The following GRB2 variants were observed in gnomAD, a reference collection of about 807,000 sequenced individuals.
GRB2 encodes the protein growth factor receptor bound protein 2.
Under a neutral mutation model 27.4 loss-of-function variants are expected in GRB2, and 2 were observed. The observed-to-expected ratio is 0.07, with a 90% CI of 0.03 to 0.23. The LOEUF (loss-of-function observed/expected upper bound fraction) is 0.23. GRB2 is among the 10% of genes least tolerant of loss of function. The pLI is 1.00. For synonymous variants in GRB2, 94 were observed against 99.6 expected, an observed-to-expected ratio of 0.94 and a Z score of 0.33; for missense variants, 102 against 282.4, an observed-to-expected ratio of 0.36 and a Z score of 4.58.
Position 75,337,895 on chromosome 17 carries a change from CTACTACTATTATTAT to C in GRB2, c.79-5113_79-5099del, listed in dbSNP as rs1418956786. 5.9e-4 allele frequency among the ~76,000 whole-genome samples: 74 copies of C among 124,458 alleles called. 1 individual carries two copies. Among genetic ancestry groups the C allele is most frequent in the African/African-American group, 2.4e-3 (72 of 30,570 alleles). 81.6% of individuals were successfully genotyped at this position (124,458 alleles called of 152,430 possible). On this transcript the variant is annotated intron_variant, in intron 2 of 5. Transcript: ENST00000316804. ...ATTACTACTACTACTACTACTACTA[CTACTACTATTATTAT>C]TATTATTATTATTATTATTATTATT...
At chr17:75,369,072 C>A (rs940790689) in intron 2 of GRB2, among the ~76,000 whole-genome samples, 2 of 152,162 alleles carry the variant, frequency 1.3e-5, no homozygotes, top group African/African-American at 4.8e-5. Context: ...ATGATCATGG[C>A]AAATGGCACA....
intron 1 of GRB2, chr17:75,394,141 C>T (rs909706302): frequency 6.4e-6 from 1 of 156,000 alleles, no homozygotes; most frequent in African/African-American, 2.4e-5. Context: ...AAGGCCTCAC[C>T]CTGGGGATGG....
At chr17:75,344,065 T>G (rs1305047746) in intron 2 of GRB2, among the ~76,000 whole-genome samples, 2 of 152,170 alleles carry the variant, frequency 1.3e-5, no homozygotes, top group Non-Finnish European at 2.9e-5. Flanking sequence ...TGGGGAGTTA[T>G]GGGTACTATG....
chr17:75,338,688 GT>G (rs11318650), intron 2 of GRB2: 279,454 of 409,318 alleles, frequency 0.68, 101,945 homozygotes, highest in East Asian at 0.88. Flanking sequence ...TTGTTTTTTG[GT>G]TTTTTTTTGC....
At chr17:75,386,056 T>A (rs1264640588) in intron 2 of GRB2, among the ~76,000 whole-genome samples, 1 of 152,224 alleles carries the variant, frequency 6.6e-6, no homozygotes, top group African/African-American at 2.4e-5. Flanking sequence ...GGTATATACA[T>A]AATTGAAATA....
intron 3 of GRB2, among the ~76,000 whole-genome samples, chr17:75,329,293 AC>A (rs1413271008): frequency 6.6e-6 from 1 of 152,086 alleles, no homozygotes; most frequent in Middle Eastern, 3.2e-3. Context: ...ATGAATATAA[AC>A]TGAAATAGCC....
At chr17:75,327,604 C>G (rs1022556938) in intron 3 of GRB2, among the ~76,000 whole-genome samples, 12 of 145,532 alleles carry the variant, frequency 8.2e-5, no homozygotes, top group Non-Finnish European at 1.5e-5. Flanking sequence ...CTCCCGACCT[C>G]GAGATCTGCC....
chr17:75,376,890 G>GA (rs2078897409), intron 2 of GRB2, among the ~76,000 whole-genome samples: 1 of 151,612 alleles, frequency 6.6e-6, no homozygotes, highest in Non-Finnish European at 1.5e-5. Flanking sequence ...CATGGTGGTG[G>GA]ATACCTGTAG....
intron 2 of GRB2, among the ~76,000 whole-genome samples, chr17:75,386,243 T>A (rs1362814027): frequency 6.6e-6 from 1 of 152,042 alleles, no homozygotes; most frequent in East Asian, 1.9e-4. Context: ...CTCAGCCTCC[T>A]GAGTAGCTGG....
rs571645977 is a variant in GRB2, at chr17:75,402,250, C to T, written c.-138+3239G>A. Among the ~76,000 whole-genome samples the T allele has an allele frequency of 1.1e-4, 16 of 152,196 alleles. No individual in the cohort carries two copies. The East Asian group carries it at 3.1e-3, about 29-fold the overall frequency. ...TACTGGAAGTATAGTTTTTACTGAG[C>T]GCTATTGCTTTCACACCACTGTAAA... On this transcript the variant is annotated intron_variant, in intron 1 of 5. Transcript: ENST00000316804.
At chr17:75,392,003 C>T (rs966785590) in intron 2 of GRB2, among the ~76,000 whole-genome samples, 1 of 151,904 alleles carries the variant, frequency 6.6e-6, no homozygotes, top group African/African-American at 2.4e-5. Context: ...AAATACTAGC[C>T]CAAAAGGGCT....
intron 2 of GRB2, among the ~76,000 whole-genome samples, chr17:75,384,773 G>C (rs2078951467): frequency 6.6e-6 from 1 of 151,918 alleles, no homozygotes; most frequent in Non-Finnish European, 1.5e-5. Flanking sequence ...CAGTTACTTG[G>C]AGACAACAAT....
At chr17:75,332,908 G>A (rs16967789) in intron 2 of GRB2, 111 bp from the exon 3 acceptor site, 91,173 of 645,562 alleles carry the variant, frequency 0.14, 7,832 homozygotes, top group African/African-American at 0.27. Flanking sequence ...TTCACTCGAA[G>A]TATTATCAGT....
At chr17:75,400,965 A>T (rs898603841) in intron 1 of GRB2, among the ~76,000 whole-genome samples, 3 of 142,368 alleles carry the variant, frequency 2.1e-5, no homozygotes, top group Non-Finnish European at 3.1e-5. Context: ...GGATATATCA[A>T]TTTTTTTTTT....
At position 75,320,270 on chromosome 17, in the gene GRB2, A is replaced by C; in HGVS notation, c.*98T>G. 1 of 1,049,122 alleles carries C rather than the reference A, an allele frequency of 9.5e-7. No individual in the cohort carries two copies. The highest frequency in any genetic ancestry group is 1.4e-5 in the South Asian group (1 of 71,628). The allele number at this position is 1,049,122 out of a possible 1,614,324, so 65.0% of individuals were successfully genotyped here. On this transcript the variant is annotated 3_prime_UTR_variant, in exon 6 of 6. Coordinates refer to ENST00000316804, the MANE Select transcript of GRB2 (RefSeq NM_002086.5). This position sits in a 1 kb window ranked among gnomAD's most constrained non-coding sequence, Gnocchi z 4.3. ...AGGGTGACCCGGCCAGGTGTTCTGC[A>C]CTCCCTCACAGGCTGCTGTCAGAGG...
intron 2 of GRB2, among the ~76,000 whole-genome samples, chr17:75,389,749 G>A (rs1598254320): frequency 6.6e-6 from 1 of 152,132 alleles, no homozygotes; most frequent in African/African-American, 2.4e-5. Context: ...GGAGGCTGAG[G>A]CAGGAGAATG....
At chr17:75,350,236 A>G (rs1475161323) in intron 2 of GRB2, among the ~76,000 whole-genome samples, 19 of 23,208 alleles carry the variant, frequency 8.2e-4, no homozygotes, top group Non-Finnish European at 3.7e-3. Context: ...CTCTGAGGGG[A>G]AAAAAAAAAA....
chr17:75,338,963 G>A (rs1232839964), intron 2 of GRB2: 9 of 1,169,372 alleles, frequency 7.7e-6, no homozygotes, highest in East Asian at 7.0e-5. Context: ...AGGAAGCAGA[G>A]TGGCTATGGT....
intron 2 of GRB2, 138 bp downstream of exon 2, chr17:75,393,413 C>T (rs2079010317): frequency 1.4e-6 from 1 of 738,900 alleles, no homozygotes; most frequent in Admixed American, 2.1e-5. Context: ...GCATCTAAAG[C>T]TCTCCAGAAC....
Sources: allele counts gnomAD v4.1 joint callset (sites outside exome capture counted in the v4.1 genomes callset), GRCh38; gene constraint gnomAD v4.1.1; non-coding constraint Gnocchi (gnomAD v3.1); transcripts MANE v1.5; gene names NCBI Gene and HGNC (gene_info 2026-07-23, HGNC 2026-07-21).